The following SLC45A3 variants were observed in gnomAD, a reference collection of about 807,000 sequenced individuals.
SLC45A3 encodes prostate cancer associated protein 2.
A neutral mutation model predicts 35.3 loss-of-function variants in SLC45A3; 17 were observed. That is an observed-to-expected ratio of 0.48 (90% CI 0.33 to 0.72). SLC45A3 has a LOEUF of 0.72. SLC45A3 is among the 30% of genes least tolerant of loss of function. The pLI is 0.02. For missense variants in SLC45A3, 597 were observed against 731.7 expected (o/e 0.82, Z 2.12); for synonymous variants, 288 against 334.3 (o/e 0.86, Z 1.51).
intron 1 of SLC45A3, among the ~76,000 whole-genome samples, chr1:205,673,276 C>G (rs573968524): frequency 6.6e-6 from 1 of 152,136 alleles, no homozygotes; most frequent in African/African-American, 2.4e-5. Flanking sequence ...GCAGCAGTAC[C>G]AAGAAATTCC....
rs531618850 is a variant in SLC45A3, at chr1:205,669,956, C to T, written c.-230-5070G>A. On this transcript the variant is annotated intron_variant, in intron 1 of 4. Coordinates refer to ENST00000367145, the MANE Select transcript of SLC45A3 (RefSeq NM_033102.3). The surrounding 1 kb of genome is among the most constrained non-coding windows in gnomAD (Gnocchi z 4.1). ...GCTCCAAACTGAGCTCTCCAGGGTCCTCTAGGTTGGGGGCAGGGAGTGGAC... is the reference window on the plus strand; with the variant it reads ...GCTCCAAACTGAGCTCTCCAGGGTCTTCTAGGTTGGGGGCAGGGAGTGGAC... Among the ~76,000 whole-genome samples, 42 of 152,332 alleles carry T rather than the reference C, an allele frequency of 2.8e-4. No individual in the cohort carries two copies. Among genetic ancestry groups the T allele is most frequent in the African/African-American group, 9.6e-4 (40 of 41,586 alleles).
rs1671076036 is a variant in SLC45A3, at chr1:205,664,073, C to A, written c.172+412G>T. Reference sequence around the variant, plus strand: ...CTGGGAGACCTTGATGGAGTCCCAGCTCTACTGTTCAGCTGCTATTTGGCT... The same window carrying A: ...CTGGGAGACCTTGATGGAGTCCCAGATCTACTGTTCAGCTGCTATTTGGCT... On this transcript the variant is annotated intron_variant, in intron 2 of 4. Transcript: ENST00000367145. The surrounding 1 kb of genome is among the most constrained non-coding windows in gnomAD (Gnocchi z 5.3). 6.6e-6 allele frequency among the ~76,000 whole-genome samples: 1 copy of A among 152,288 alleles called. No homozygotes were observed. Among genetic ancestry groups the A allele is most frequent in the Non-Finnish European group, 1.5e-5 (1 of 68,024 alleles).
chr1:205,660,028 T>C (rs1670991267), intron 4 of SLC45A3, among the ~76,000 whole-genome samples: 1 of 151,978 alleles, frequency 6.6e-6, no homozygotes, highest in Non-Finnish European at 1.5e-5. Flanking sequence ...TGGTAAGAGA[T>C]GCACAGAACA....
chr1:205,670,706 G>C (rs920136703), intron 1 of SLC45A3, among the ~76,000 whole-genome samples: 2 of 152,216 alleles, frequency 1.3e-5, no homozygotes, highest in African/African-American at 4.8e-5. Flanking sequence ...GGACACAAAG[G>C]GGGATTAGGG....
At chr1:205,672,407 G>C (rs2102408724) in intron 1 of SLC45A3, among the ~76,000 whole-genome samples, 1 of 152,292 alleles carries the variant, frequency 6.6e-6, no homozygotes, top group African/African-American at 2.4e-5. Flanking sequence ...ATAGTTATGA[G>C]ACAGCACGAT....
intron 1 of SLC45A3, among the ~76,000 whole-genome samples, chr1:205,672,048 C>G (rs1305024644): frequency 2.0e-5 from 3 of 152,190 alleles, no homozygotes; most frequent in Non-Finnish European, 4.4e-5. Context: ...ATTAATACCA[C>G]CAACTTCATA....
intron 1 of SLC45A3, among the ~76,000 whole-genome samples, chr1:205,667,937 GC>G (rs1412513134): frequency 6.6e-6 from 1 of 152,054 alleles, no homozygotes; most frequent in South Asian, 2.1e-4. Context: ...TTTCTCCAAC[GC>G]CCCCCATCCC....
chr1:205,673,386 G>A (rs1366161994), intron 1 of SLC45A3, among the ~76,000 whole-genome samples: 1 of 152,156 alleles, frequency 6.6e-6, no homozygotes, highest in Non-Finnish European at 1.5e-5. Context: ...CTGCCTTTTC[G>A]TACAGCCACT....
chr1:205,671,946 A>G (rs1339574547), intron 1 of SLC45A3, among the ~76,000 whole-genome samples: 11 of 152,188 alleles, frequency 7.2e-5, no homozygotes, highest in Non-Finnish European at 1.5e-4. Flanking sequence ...GTTATAATAC[A>G]TACTAGGCAC....
Position 205,659,702 on chromosome 1 carries a change from A to C in SLC45A3, c.1225-31T>G. On this transcript the variant is annotated intron_variant, in intron 4 of 4. Transcript: ENST00000367145. This position sits in a 1 kb window ranked among gnomAD's most constrained non-coding sequence, Gnocchi z 5.8. ...GCAGAGGGGTGAAGAAAAGGGGAAG[A>C]GGACAGGTGTGTACCCAGCACTGGC... is the stretch of plus-strand genomic sequence containing the variant. 6.6e-7 allele frequency: 1 copy of C among 1,515,200 alleles called. No homozygotes were observed. The highest frequency in any genetic ancestry group is 2.3e-5 in the East Asian group (1 of 43,946). 93.9% of individuals were successfully genotyped at this position (1,515,200 alleles called of 1,614,324 possible). A position where few individuals can be genotyped will look rare whatever the true frequency, so the allele number is the denominator to read the frequency against.
chr1:205,659,118 A>G lies in SLC45A3; in HGVS notation c.*116T>C, dbSNP rs1176317020. 3.6e-6 allele frequency: 4 copies of G among 1,113,246 alleles called. No individual in the cohort carries two copies. The highest frequency in any genetic ancestry group is 2.4e-5 in the East Asian group (1 of 40,898). The allele number at this position is 1,113,246 out of a possible 1,614,324, so 69.0% of individuals were successfully genotyped here. A position where few individuals can be genotyped will look rare whatever the true frequency, so the allele number is the denominator to read the frequency against. On this transcript the variant is annotated 3_prime_UTR_variant, in exon 5 of 5. Coordinates refer to ENST00000367145, the MANE Select transcript of SLC45A3 (RefSeq NM_033102.3). The surrounding 1 kb of genome is among the most constrained non-coding windows in gnomAD (Gnocchi z 5.8). ...GCACAGGGTGGCAGCAGAGAGCCAC[A>G]TTACTTTGGCAGCAACAGAAACTGG... is the stretch of plus-strand genomic sequence containing the variant.
At chr1:205,668,961 C>T (rs911762035) in intron 1 of SLC45A3, among the ~76,000 whole-genome samples, 2 of 152,160 alleles carry the variant, frequency 1.3e-5, no homozygotes, top group East Asian at 1.9e-4. Flanking sequence ...CCCCGCTGCA[C>T]CCCTCCAGGT....
intron 1 of SLC45A3, among the ~76,000 whole-genome samples, chr1:205,678,471 A>C (rs1414959883): frequency 6.6e-6 from 1 of 152,162 alleles, no homozygotes; most frequent in African/African-American, 2.4e-5. Flanking sequence ...AGTCTGGGTA[A>C]GGGGAGAGCT....
rs1463941274 is a variant in SLC45A3, at chr1:205,669,614, C to G, written c.-230-4728G>C. 6.6e-6 allele frequency among the ~76,000 whole-genome samples: 1 copy of G among 152,142 alleles called. No homozygotes were observed. The highest frequency in any genetic ancestry group is 2.4e-5 in the African/African-American group (1 of 41,436). ...TCTTTATGCAGGCCAGCGTCAAACC[C>G]CACCCAGGCACATCAAACGGCTGTA... On this transcript the variant is annotated intron_variant, in intron 1 of 4. Transcript: ENST00000367145. The surrounding 1 kb of genome is among the most constrained non-coding windows in gnomAD (Gnocchi z 4.1).
chr1:205,659,115 C>T lies in SLC45A3; in HGVS notation c.*119G>A. 9.4e-7 allele frequency: 1 copy of T among 1,068,616 alleles called. No homozygotes were observed. Among genetic ancestry groups the T allele is most frequent in the Non-Finnish European group, 1.4e-6 (1 of 739,408 alleles). 66.2% of individuals were successfully genotyped at this position (1,068,616 alleles called of 1,614,324 possible). On this transcript the variant is annotated 3_prime_UTR_variant, in exon 5 of 5. Transcript: ENST00000367145. This position sits in a 1 kb window ranked among gnomAD's most constrained non-coding sequence, Gnocchi z 5.8. ...GCAGCACAGGGTGGCAGCAGAGAGCCACATTACTTTGGCAGCAACAGAAAC... is the reference window on the plus strand; with the variant it reads ...GCAGCACAGGGTGGCAGCAGAGAGCTACATTACTTTGGCAGCAACAGAAAC...
intron 1 of SLC45A3, among the ~76,000 whole-genome samples, chr1:205,678,912 G>T (rs1479495127): frequency 6.6e-6 from 1 of 152,144 alleles, no homozygotes; most frequent in African/African-American, 2.4e-5. Flanking sequence ...GGTTTCCTCA[G>T]GCTTCCCGTC....
intron 1 of SLC45A3, among the ~76,000 whole-genome samples, chr1:205,678,272 G>A (rs766741138): frequency 3.3e-5 from 5 of 152,170 alleles, no homozygotes; most frequent in Non-Finnish European, 7.3e-5. Context: ...AGCTGAGATC[G>A]TGACATTGCA....
Position 205,662,054 on chromosome 1 carries a change from C to A in SLC45A3, c.1031G>T (p.Arg344Leu). 6.8e-6 allele frequency: 11 copies of A among 1,614,146 alleles called. No homozygotes were observed. Among genetic ancestry groups the A allele is most frequent in the Non-Finnish European group, 8.5e-6 (10 of 1,180,026 alleles). ...ISLVFSLVMD[R>L]LVQRFGTRAV... ...TCGAGTGCCGAATCGCTGCACCAGCCGGTCCATGACCAGAGAGAAGACCAG... is the reference window on the plus strand; with the variant it reads ...TCGAGTGCCGAATCGCTGCACCAGCAGGTCCATGACCAGAGAGAAGACCAG... Residue 344 changes from arginine to leucine, a missense_variant, in exon 4 of 5, where the codon CGG becomes CTG. Physicochemically the swap from Arg to Leu is moderately radical, Grantham distance 102. Transcript: ENST00000367145. The surrounding 1 kb of genome is among the most constrained non-coding windows in gnomAD (Gnocchi z 6.2).
rs1452739145 is a variant in SLC45A3 at position 205,663,381 on chromosome 1, T to A, written c.410A>T (p.Gln137Leu). 6.2e-7 allele frequency: 1 copy of A among 1,613,318 alleles called. No individual in the cohort carries two copies. The change falls in exon 3 of 5, where the codon CAG (glutamine) becomes CTG (leucine). Residue 137 changes from glutamine (Q) to leucine (L), a missense_variant. Around this residue, in one of 3 missense-constraint regions of SLC45A3, gnomAD observed 555 missense variants for 664.9 expected, o/e 0.83. Transcript: ENST00000367145. Reference sequence around the variant, plus strand: ...GGCCTCCAGTGGAGTGAAGCACACCTGGCCACAGAAGTCCAGCAGCCCCAC... The same window carrying A: ...GGCCTCCAGTGGAGTGAAGCACACCAGGCCACAGAAGTCCAGCAGCCCCAC... The part of the protein sequence containing the change: ...LGVGLLDFCG[Q>L]VCFTPLEALL...
Sources: gnomAD v4.1 joint callset for allele counts (sites outside exome capture counted in the v4.1 genomes callset) on GRCh38, gnomAD v4.1.1 for gene constraint, gnomAD v4.1.1 regional missense constraint, Gnocchi (gnomAD v3.1) non-coding constraint, MANE v1.5 for transcripts, NCBI Gene and HGNC (gene_info 2026-07-23, HGNC 2026-07-21) for gene names.